The following SIRT2 variants were observed in gnomAD, a reference collection of about 807,000 sequenced individuals.
SIRT2 encodes the protein sirtuin 2, also known as NAD-dependent protein deacetylase sirtuin-2.
Under a neutral mutation model 57.4 loss-of-function variants are expected in SIRT2, and 40 were observed. The ratio of observed to expected loss-of-function variants is 0.70; its 90% confidence interval spans 0.54 to 0.91. The LOEUF (loss-of-function observed/expected upper bound fraction) is 0.91, where lower values mean the gene tolerates loss of function less well. Among genes scored for constraint, SIRT2 ranks in the 40% least tolerant of loss-of-function variants. The pLI is 0.00. For synonymous variants in SIRT2, 161 were observed against 195.7 expected (o/e 0.82, Z 1.48); for missense variants, 439 against 510.4 (o/e 0.86, Z 1.35).
In SIRT2 at chr19:38,899,385, C is replaced by T. The variant is rs906216314; in HGVS notation, c.16+121G>A. 4.4e-6 allele frequency: 5 copies of T among 1,123,924 alleles called. No homozygotes were observed. In the African/African-American group the frequency reaches 7.7e-5, roughly 17 times the overall value. The allele number at this position is 1,123,924 out of a possible 1,614,324, so 69.6% of individuals were successfully genotyped here. A position where few individuals can be genotyped will look rare whatever the true frequency, so the allele number is the denominator to read the frequency against. The stretch of plus-strand genomic sequence containing the variant: ...ATCGCTAAGCAACAGCCCTCAGAAT[C>T]CCACTCCCCGAAGCGCTCCCTACTT... On this transcript the variant is annotated intron_variant, in intron 1 of 15. Coordinates refer to ENST00000249396, the MANE Select transcript of SIRT2 (RefSeq NM_012237.4).
chr19:38,884,189 C>G (rs947671298), intron 8 of SIRT2, among the ~76,000 whole-genome samples: 24 of 151,110 alleles, frequency 1.6e-4, no homozygotes, highest in Non-Finnish European at 2.8e-4. Context: ...GCCTGTGTGG[C>G]TTTTATTCTG....
At chr19:38,894,932 A>T in intron 2 of SIRT2, 1 of 455,776 alleles carries the variant, frequency 2.2e-6, no homozygotes, top group South Asian at 1.5e-5. Flanking sequence ...ACCTTGCCCT[A>T]GGTGCCCCCC....
rs745521753 is a variant in SIRT2, at chr19:38,899,489, C to T, written c.16+17G>A. 1.2e-6 allele frequency: 2 copies of T among 1,613,198 alleles called. No individual in the cohort carries two copies. The highest frequency in any genetic ancestry group is 1.7e-6 in the Non-Finnish European group (2 of 1,179,842). The stretch of plus-strand genomic sequence containing the variant: ...CCCCGGCGCGGCCCGACCCTCCTAC[C>T]CGGATCCCCGACTCACGGTCTGGCT... On this transcript the variant is annotated intron_variant, in intron 1 of 15. Coordinates refer to ENST00000249396, the MANE Select transcript of SIRT2 (RefSeq NM_012237.4).
At chr19:38,881,202 C>A in intron 10 of SIRT2, 47 bp from the exon 11 acceptor site, 2 of 1,580,768 alleles carry the variant, frequency 1.3e-6, no homozygotes, top group South Asian at 2.3e-5. Context: ...CATGGGGAGG[C>A]AGAGAGGACA....
At chr19:38,891,536 G>A (rs773464550) in intron 4 of SIRT2, among the ~76,000 whole-genome samples, 2 of 152,036 alleles carry the variant, frequency 1.3e-5, no homozygotes, top group African/African-American at 2.4e-5. Context: ...GTAACAGAGT[G>A]AGACTCTGTC....
chr19:38,899,261 G>A (rs1973845360), intron 1 of SIRT2, among the ~76,000 whole-genome samples: 1 of 152,096 alleles, frequency 6.6e-6, no homozygotes, highest in Non-Finnish European at 1.5e-5. Flanking sequence ...AGCAACCAAG[G>A]TGCGAGAAAC....
intron 8 of SIRT2, among the ~76,000 whole-genome samples, chr19:38,888,218 G>A (rs1261065162): frequency 6.6e-6 from 1 of 152,082 alleles, no homozygotes; most frequent in Non-Finnish European, 1.5e-5. Flanking sequence ...GGTCTCCCAG[G>A]CTACAGTACA....
intron 9 of SIRT2, 58 bp from the exon 10 acceptor site, chr19:38,881,549 G>T: frequency 7.0e-7 from 1 of 1,437,356 alleles, no homozygotes; most frequent in South Asian, 1.2e-5. Context: ...GCCGGAGTCT[G>T]GAGGTGCAGC....
chr19:38,893,018 C>G (rs2144696513), intron 4 of SIRT2, among the ~76,000 whole-genome samples: 1 of 152,220 alleles, frequency 6.6e-6, no homozygotes, highest in African/African-American at 2.4e-5. Context: ...TCTGGCCAAT[C>G]AGAGGCATGG....
At chr19:38,891,276 C>G (rs992787489) in intron 4 of SIRT2, among the ~76,000 whole-genome samples, 3 of 152,174 alleles carry the variant, frequency 2.0e-5, no homozygotes, top group Admixed American at 1.3e-4. Context: ...GGGCCGGGCC[C>G]GGTGGCTCAC....
At position 38,891,198 on chromosome 19, in the gene SIRT2, G is replaced by A. The variant is rs548652526; in HGVS notation, c.227-1054C>T. On this transcript the variant is annotated intron_variant, in intron 4 of 15. Coordinates refer to ENST00000249396, the MANE Select transcript of SIRT2 (RefSeq NM_012237.4). Reference sequence around the variant, plus strand: ...GTGAATATCAAATAATAGGGCACTTGTAAAGTGCTGAGCCCAGTGCCTGGC... The same window carrying A: ...GTGAATATCAAATAATAGGGCACTTATAAAGTGCTGAGCCCAGTGCCTGGC... Among the ~76,000 whole-genome samples the A allele has an allele frequency of 2.0e-5, 3 of 152,356 alleles. No homozygotes were observed. The South Asian group carries it at 6.2e-4, about 32-fold the overall frequency.
In SIRT2 at chr19:38,880,865, C is replaced by T. The variant is rs930042447; in HGVS notation, c.780G>A (p.Met260Ile). 4 of 1,613,754 alleles carry T rather than the reference C, an allele frequency of 2.5e-6. No homozygotes were observed. Among genetic ancestry groups the T allele is most frequent in the Non-Finnish European group, 3.4e-6 (4 of 1,179,912 alleles). Residue 260 changes from methionine to isoleucine, a missense_variant, in exon 12 of 16, where the codon ATG (methionine) becomes ATA (isoleucine). By Grantham distance (10) the Met-to-Ile change is conservative. Transcript: ENST00000249396. The surrounding 1 kb of genome is among the most constrained non-coding windows in gnomAD (Gnocchi z 4.1). Reference sequence around the variant, plus strand: ...AGGGCTGCACCTGCAAGGAGGTACCCATGACCAGGAGGAGGTCCACCTTCA... The same window carrying T: ...AGGGCTGCACCTGCAAGGAGGTACCTATGACCAGGAGGAGGTCCACCTTCA... ...DFLKVDLLLV[M>I]GTSLQVQPFA... is the part of the protein sequence containing the mutation.
chr19:38,880,660 C>A lies in SIRT2; in HGVS notation c.876+25G>T. Reference sequence around the variant, plus strand: ...AGAGGGAAGGGGGAGCCTGTGACGACGGGGGCTTGAAGAAGGGCTCTTACC... The same window carrying A: ...AGAGGGAAGGGGGAGCCTGTGACGAAGGGGGCTTGAAGAAGGGCTCTTACC... On this transcript the variant is annotated intron_variant, in intron 13 of 15. Coordinates refer to ENST00000249396, the MANE Select transcript of SIRT2 (RefSeq NM_012237.4). The surrounding 1 kb of genome is among the most constrained non-coding windows in gnomAD (Gnocchi z 4.1). 6.6e-7 allele frequency: 1 copy of A among 1,526,662 alleles called. No homozygotes were observed. Among genetic ancestry groups the A allele is most frequent in the South Asian group, 1.3e-5 (1 of 77,756 alleles). 94.6% of individuals were successfully genotyped at this position (1,526,662 alleles called of 1,614,324 possible).
At chr19:38,882,167 C>T (rs1456261369) in intron 9 of SIRT2, among the ~76,000 whole-genome samples, 1 of 151,592 alleles carries the variant, frequency 6.6e-6, no homozygotes, top group Admixed American at 6.6e-5. Flanking sequence ...CAGGCATCCA[C>T]CATCGCACCT....
rs1265689698 is a variant in SIRT2 at position 38,880,896 on chromosome 19, T to C, written c.749A>G (p.Asp250Gly). ...CAGGAGGAGGTCCACCTTCAGGAAG[T>C]CCTGCGGGGAGGGGCGTGAGCTTGG... ...PARFFSCMQS[D>G]FLKVDLLLVM... The change falls in exon 12 of 16, where the codon GAC becomes GGC. Residue 250 changes from aspartate (D) to glycine (G), a missense_variant and splice_region_variant. Coordinates refer to ENST00000249396, the MANE Select transcript of SIRT2 (RefSeq NM_012237.4). The surrounding 1 kb of genome is among the most constrained non-coding windows in gnomAD (Gnocchi z 4.1). 2 of 1,613,360 alleles carry C rather than the reference T, an allele frequency of 1.2e-6. No homozygotes were observed. Among genetic ancestry groups the C allele is most frequent in the Non-Finnish European group, 1.7e-6 (2 of 1,179,768 alleles).
chr19:38,897,727 T>C (rs1973766246), intron 2 of SIRT2, among the ~76,000 whole-genome samples: 1 of 152,150 alleles, frequency 6.6e-6, no homozygotes, highest in South Asian at 2.1e-4. Flanking sequence ...GGCCTCCCTA[T>C]GTTGCCAAGA....
rs77780712 is a variant in SIRT2, at chr19:38,899,368, G to C, written c.16+138C>G. On this transcript the variant is annotated intron_variant, in intron 1 of 15. Transcript: ENST00000249396. ...CCAGCCTAGCGATACAGATCGCTAA[G>C]CAACAGCCCTCAGAATCCCACTCCC... 804 of 954,872 alleles carry C rather than the reference G, an allele frequency of 8.4e-4. 2 individuals carry two copies. In the African/African-American group the frequency reaches 0.012, roughly 15 times the overall value. 59.1% of individuals were successfully genotyped at this position (954,872 alleles called of 1,614,324 possible). A position where few individuals can be genotyped will look rare whatever the true frequency, so the allele number is the denominator to read the frequency against.
At position 38,891,822 on chromosome 19, in the gene SIRT2, G is replaced by A. The variant is rs898134500; in HGVS notation, c.226+1592C>T. The A allele has an allele frequency of 8.6e-6, 4 of 465,894 alleles. No homozygotes were observed. The Admixed American group carries it at 9.5e-5, about 11-fold the overall frequency. The allele number at this position is 465,894 out of a possible 1,614,324, so 28.9% of individuals were successfully genotyped here. ...AGAATCCAGGTGCAGGAGGACACAA[G>A]GAACAAATGCTTTGTAGCCACTGCC... On this transcript the variant is annotated intron_variant, in intron 4 of 15. Transcript: ENST00000249396.
Position 38,889,978 on chromosome 19 carries a change from A to G in SIRT2, c.269-17T>C. On this transcript the variant is annotated splice_polypyrimidine_tract_variant and intron_variant, in intron 5 of 15. Transcript: ENST00000249396. ...TGCCTGCGGCTAGGAAAGGGGGGTC[A>G]GGGAGCAGTTGGTCTATACCATACT... is the stretch of plus-strand genomic sequence containing the variant. 4 of 1,612,626 alleles carry G rather than the reference A, an allele frequency of 2.5e-6. No homozygotes were observed. Among genetic ancestry groups the G allele is most frequent in the Middle Eastern group, 1.7e-4 (1 of 6,056 alleles).
Sources: allele counts gnomAD v4.1 joint callset (sites outside exome capture counted in the v4.1 genomes callset), GRCh38; gene constraint gnomAD v4.1.1; non-coding constraint Gnocchi (gnomAD v3.1); transcripts MANE v1.5; gene names NCBI Gene and HGNC (gene_info 2026-07-23, HGNC 2026-07-21).